KIF19: variants seen among roughly 807,000 people sequenced by gnomAD.
KIF19 encodes the protein kinesin family member 19, also known as kinesin-like protein KIF19.
KIF19 carries 98 observed loss-of-function variants against 106.6 expected under a neutral mutation model. That is an observed-to-expected ratio of 0.92 (90% confidence interval 0.78 to 1.09). The LOEUF is 1.09. Ranked by LOEUF, KIF19 falls within the 50% of genes least tolerant of loss-of-function variation. The probability of loss-of-function intolerance (pLI) is 0.00; values close to 1 mark genes in which losing one functional copy is unlikely to be tolerated. For missense variants in KIF19, 1,373 were observed against 1,414.3 expected, an observed-to-expected ratio of 0.97 and a Z score of 0.47; for synonymous variants, 516 against 584.2, an observed-to-expected ratio of 0.88 and a Z score of 1.68.
Position 74,352,351 on chromosome 17 carries a change from G to A in KIF19, c.1980+11G>A, listed in dbSNP as rs533875240. 1.6e-5 allele frequency: 26 copies of A among 1,597,944 alleles called. No homozygotes were observed. The highest frequency in any genetic ancestry group is 1.1e-4 in the Admixed American group (6 of 57,074). ...TCCAGGGCCCTGCAGGTGGGTGGGCGCCTGGGCGGCCTGAACATGGGCACA... is the reference window on the plus strand; with the variant it reads ...TCCAGGGCCCTGCAGGTGGGTGGGCACCTGGGCGGCCTGAACATGGGCACA... On this transcript the variant is annotated intron_variant, in intron 14 of 19. Coordinates refer to ENST00000389916, the MANE Select transcript of KIF19 (RefSeq NM_153209.4).
At chr17:74,326,517 T>C in intron 1 of KIF19, 129 bp downstream of exon 1, 1 of 778,280 alleles carries the variant, frequency 1.3e-6, no homozygotes, top group South Asian at 2.0e-5. Flanking sequence ...GCCGGGACTC[T>C]TCAGAGCAAC....
intron 19 of KIF19, 89 bp from the exon 20 acceptor site, chr17:74,355,093 C>T (rs1055886468): frequency 6.5e-7 from 1 of 1,544,076 alleles, no homozygotes; most frequent in African/African-American, 1.4e-5. Context: ...TGGGGTGGTG[C>T]CCCTAGAGAG....
intron 6 of KIF19, 84 bp downstream of exon 6, chr17:74,344,432 A>G: frequency 4.5e-6 from 7 of 1,541,186 alleles, no homozygotes; most frequent in Non-Finnish European, 6.1e-6. Context: ...GAAGCCAGGG[A>G]GCTGCTCCCC....
intron 5 of KIF19, among the ~76,000 whole-genome samples, 182 bp downstream of exon 5, chr17:74,343,342 A>G (rs2054437150): frequency 6.6e-6 from 1 of 152,172 alleles, no homozygotes; most frequent in African/African-American, 2.4e-5. Context: ...ACAGTAAGCG[A>G]GGGAGCGGGG....
chr17:74,351,916 TGGA>T lies in KIF19; in HGVS notation c.1642_1644del (p.Glu548del). On this transcript the variant is annotated inframe_deletion, in exon 13 of 20. Transcript: ENST00000389916. ...GAGCTGCGCGCGCGGGGCCGGCGCC[TGGA>T]GGAGACGCTGCCGCGGCGCATCGGC... 1 of 1,437,752 alleles carries T rather than the reference TGGA, an allele frequency of 7.0e-7. No homozygotes were observed. The highest frequency in any genetic ancestry group is 9.1e-7 in the Non-Finnish European group (1 of 1,102,866). The allele number at this position is 1,437,752 out of a possible 1,614,324, so 89.1% of individuals were successfully genotyped here.
In KIF19 at chr17:74,353,234, G is replaced by C. The variant is rs761835303; in HGVS notation, c.2153G>C (p.Trp718Ser). Residue 718 changes from tryptophan to serine, a missense_variant, in exon 16 of 20, where the codon TGG becomes TCG. Physicochemically the swap from Trp to Ser is radical, Grantham distance 177. Transcript: ENST00000389916. Reference protein sequence around the residue: ...HHVFKAGTGAWQAKSSSVPTP... With the variant: ...HHVFKAGTGASQAKSSSVPTP... Reference sequence around the variant, plus strand: ...GTGTTCAAGGCTGGTACTGGGGCCTGGCAGGCAAAAAGCTCCTCTGTGCCC... The same window carrying C: ...GTGTTCAAGGCTGGTACTGGGGCCTCGCAGGCAAAAAGCTCCTCTGTGCCC... 8.1e-5 allele frequency: 128 copies of C among 1,588,666 alleles called. No individual in the cohort carries two copies. Among genetic ancestry groups the C allele is most frequent in the East Asian group, 1.2e-4 (5 of 43,466 alleles).
chr17:74,342,994 C>T, intron 4 of KIF19, 30 bp from the exon 5 acceptor site: 1 of 1,572,894 alleles, frequency 6.4e-7, no homozygotes, highest in Non-Finnish European at 8.6e-7. Context: ...CAGCCCCACC[C>T]CGGTCACCCT....
chr17:74,341,893 C>T lies in KIF19; in HGVS notation c.138C>T (p.Asp46=). The T allele has an allele frequency of 1.2e-6, 2 of 1,613,574 alleles. No homozygotes were observed. The highest frequency in any genetic ancestry group is 2.2e-5 in the East Asian group (1 of 44,854). The change falls in exon 3 of 20, where the codon GAC becomes GAT. Residue 46 remains aspartate (D), a synonymous_variant. Transcript: ENST00000389916. ...CCTTGCAGATGGTGGTTCTCATGGA[C>T]CCAATGGAGGATCCCGACGACATCC... is the stretch of plus-strand genomic sequence containing the variant. The part of the protein sequence containing the change: ...KVDEQMVVLM[D]PMEDPDDILR...
chr17:74,347,860 C>T lies in KIF19; in HGVS notation c.1008C>T (p.Thr336=). Residue 336 remains threonine, a synonymous_variant, in exon 9 of 20, where the codon ACC becomes ACT. Transcript: ENST00000389916. ...ASSAFEESRN[T]LTYAGRAKNI... is the part of the protein sequence containing the mutation. ...GTGCCTTCGAGGAGTCCCGGAACAC[C>T]CTGACCTACGCCGGCCGGGCCAAGA... 1.3e-6 allele frequency: 2 copies of T among 1,586,184 alleles called. No homozygotes were observed. The highest frequency in any genetic ancestry group is 1.2e-5 in the South Asian group (1 of 86,682).
Position 74,351,968 on chromosome 17 carries a change from C to T in KIF19, c.1689C>T (p.Leu563=). ...GCTCCGAGGAGCAGCGCGAGGTGCT[C>T]AGCCTGCTGTGCCGCGTGCACGAGC... ...RIGSEEQREV[L]SLLCRVHELE... The change falls in exon 13 of 20, where the codon CTC becomes CTT. Residue 563 remains leucine (L), a synonymous_variant. Coordinates refer to ENST00000389916, the MANE Select transcript of KIF19 (RefSeq NM_153209.4). 1.3e-6 allele frequency: 2 copies of T among 1,524,038 alleles called. No individual in the cohort carries two copies. Among genetic ancestry groups the T allele is most frequent in the South Asian group, 1.2e-5 (1 of 82,426 alleles). The allele number at this position is 1,524,038 out of a possible 1,614,324, so 94.4% of individuals were successfully genotyped here.
Position 74,326,270 on chromosome 17 carries a change from C to A in KIF19, c.-80C>A. 7.4e-7 allele frequency: 1 copy of A among 1,359,054 alleles called. No individual in the cohort carries two copies. The highest frequency in any genetic ancestry group is 1.3e-5 in the South Asian group (1 of 75,830). The allele number at this position is 1,359,054 out of a possible 1,614,324, so 84.2% of individuals were successfully genotyped here. A position where few individuals can be genotyped will look rare whatever the true frequency, so the allele number is the denominator to read the frequency against. On this transcript the variant is annotated 5_prime_UTR_variant, in exon 1 of 20. Coordinates refer to ENST00000389916, the MANE Select transcript of KIF19 (RefSeq NM_153209.4). ...GAGGCGGCGGGCAGCTAGCAGCTGG[C>A]GGACGCGACCCGGAGGCGGTGGGGG...
chr17:74,353,321 T>A lies in KIF19; in HGVS notation c.2220+20T>A, dbSNP rs1474831779. Reference sequence around the variant, plus strand: ...CAGGAGGTGAGCTCTCAGTACCCGATGGCCCCACGAGCTCCACTGCAGCGG... The same window carrying A: ...CAGGAGGTGAGCTCTCAGTACCCGAAGGCCCCACGAGCTCCACTGCAGCGG... On this transcript the variant is annotated intron_variant, in intron 16 of 19. Coordinates refer to ENST00000389916, the MANE Select transcript of KIF19 (RefSeq NM_153209.4). 6.5e-7 allele frequency: 1 copy of A among 1,547,852 alleles called. No individual in the cohort carries two copies. The highest frequency in any genetic ancestry group is 8.8e-7 in the Non-Finnish European group (1 of 1,142,174).
At chr17:74,353,165 A>G (rs1235407083) in intron 15 of KIF19, 31 bp from the exon 16 acceptor site, 3 of 1,534,372 alleles carry the variant, frequency 2.0e-6, no homozygotes. Context: ...AGCCTGGTCT[A>G]CAGCCACTCA....
rs1247577379 is a variant in KIF19 at position 74,342,823 on chromosome 17, C to T, written c.319+106C>T. 7.2e-6 allele frequency: 9 copies of T among 1,246,484 alleles called. No homozygotes were observed. In the East Asian group the frequency reaches 7.3e-5, roughly 10 times the overall value. 77.2% of individuals were successfully genotyped at this position (1,246,484 alleles called of 1,614,324 possible). ...CTGGAGCAGGAATCCAGGATGTGGT[C>T]GCTCCACATCTCACCCAGGGCCCTC... On this transcript the variant is annotated intron_variant, in intron 4 of 19. Coordinates refer to ENST00000389916, the MANE Select transcript of KIF19 (RefSeq NM_153209.4).
intron 2 of KIF19, among the ~76,000 whole-genome samples, chr17:74,337,301 C>G (rs7219370): frequency 0.45 from 65,622 of 145,912 alleles, 14,577 homozygotes; most frequent in Middle Eastern, 0.49. Flanking sequence ...AGAGGATGTA[C>G]AGAAGCCTCC....
chr17:74,340,955 G>A (rs9911998), intron 2 of KIF19, among the ~76,000 whole-genome samples: 6,246 of 152,140 alleles, frequency 0.041, 201 homozygotes, highest in African/African-American at 0.084. Flanking sequence ...GACCTGGGGG[G>A]TGTGACTCCT....
In KIF19 at chr17:74,355,166, C is replaced by T. The variant is rs2054844234; in HGVS notation, c.2867-16C>T. On this transcript the variant is annotated splice_polypyrimidine_tract_variant and intron_variant, in intron 19 of 19. Transcript: ENST00000389916. ...GCATTCCGAAACCACTGATCCTGCC[C>T]CTTTCCCTGTTGCAGGCCCGGGGGA... is the stretch of plus-strand genomic sequence containing the variant. 6.3e-7 allele frequency: 1 copy of T among 1,582,428 alleles called. No homozygotes were observed. The highest frequency in any genetic ancestry group is 8.6e-7 in the Non-Finnish European group (1 of 1,161,872).
At chr17:74,354,644 G>A in intron 18 of KIF19, 85 bp downstream of exon 18, 1 of 1,533,836 alleles carries the variant, frequency 6.5e-7, no homozygotes, top group South Asian at 1.2e-5. Context: ...AGGCTCCAGG[G>A]CACCTCTAGC....
chr17:74,346,663 T>G lies in KIF19; in HGVS notation c.924+139T>G, dbSNP rs976295473. The G allele has an allele frequency of 1.3e-6, 1 of 760,976 alleles. No homozygotes were observed. The highest frequency in any genetic ancestry group is 2.9e-5 in the Admixed American group (1 of 34,828). 47.1% of individuals were successfully genotyped at this position (760,976 alleles called of 1,614,324 possible). On this transcript the variant is annotated intron_variant, in intron 8 of 19. Transcript: ENST00000389916. This position sits in a 1 kb window ranked among gnomAD's most constrained non-coding sequence, Gnocchi z 4.6. ...TTTATTTTAGCGTAAATATGTCCCATGAAATATTTGGGATATTCTTATGCT... is the reference window on the plus strand; with the variant it reads ...TTTATTTTAGCGTAAATATGTCCCAGGAAATATTTGGGATATTCTTATGCT...
Sources: allele counts gnomAD v4.1 joint callset (sites outside exome capture counted in the v4.1 genomes callset), GRCh38; gene constraint gnomAD v4.1.1; non-coding constraint Gnocchi (gnomAD v3.1); transcripts MANE v1.5; gene names NCBI Gene and HGNC (gene_info 2026-07-23, HGNC 2026-07-21).